Variants in PLAGL1 observed in about 807,000 individuals in gnomAD.
PLAGL1 encodes zinc finger protein PLAGL1.
Under a neutral mutation model 4.6 loss-of-function variants are expected in PLAGL1, and 1 was observed. That is an observed-to-expected ratio of 0.22 (90% CI 0.08 to 1.03). PLAGL1 has a LOEUF of 1.03. Ranked by LOEUF, PLAGL1 falls within the 50% of genes least tolerant of loss-of-function variation. The pLI is 0.58. For missense variants in PLAGL1, 464 were observed against 570.4 expected, an observed-to-expected ratio of 0.81 and a Z score of 1.90; for synonymous variants, 240 against 237.8, an observed-to-expected ratio of 1.01 and a Z score of -0.08.
rs933618190 is a variant in PLAGL1 at position 143,995,894 on chromosome 6, G to A, written c.-583-10720C>T. ...ACCTACATTACTGGCTATATTAATG[G>A]TGGCCAGCCATAAAGTTAAAGCAAA... is the stretch of plus-strand genomic sequence containing the variant. On this transcript the variant is annotated intron_variant, in intron 1 of 7. Coordinates refer to ENST00000674357, the MANE Select transcript of PLAGL1 (RefSeq NM_001317162.2). This position sits in a 1 kb window ranked among gnomAD's most constrained non-coding sequence, Gnocchi z 4.4. Among the ~76,000 whole-genome samples, 5 of 152,024 alleles carry A rather than the reference G, an allele frequency of 3.3e-5. No homozygotes were observed. Among genetic ancestry groups the A allele is most frequent in the Admixed American group, 6.6e-5 (1 of 15,264 alleles).
rs1795520565 is a variant in PLAGL1, at chr6:144,015,715, A to G, written c.-150-46737T>C. Reference sequence around the variant, plus strand: ...ACCCACTGGAAAGGCTAAAGTTGAAAAGACTGAAAATACCAAGGGTTGGTG... The same window carrying G: ...ACCCACTGGAAAGGCTAAAGTTGAAGAGACTGAAAATACCAAGGGTTGGTG... On this transcript the variant is annotated intron_variant, in intron 1 of 3. Transcript: ENST00000437412. The surrounding 1 kb of genome is among the most constrained non-coding windows in gnomAD (Gnocchi z 4.3). Among the ~76,000 whole-genome samples the G allele has an allele frequency of 6.6e-6, 1 of 152,238 alleles. No individual in the cohort carries two copies. The highest frequency in any genetic ancestry group is 1.5e-5 in the Non-Finnish European group (1 of 68,036).
intron 1 of PLAGL1, among the ~76,000 whole-genome samples, chr6:144,040,841 C>A (rs1438435770): frequency 6.6e-6 from 1 of 152,214 alleles, no homozygotes; most frequent in Non-Finnish European, 1.5e-5. Context: ...CAGACCACTG[C>A]ACTCCAGCTC....
At chr6:144,002,883 C>CAT (rs1793213486) in intron 1 of PLAGL1, among the ~76,000 whole-genome samples, 2 of 144,038 alleles carry the variant, frequency 1.4e-5, no homozygotes, top group African/African-American at 2.6e-5. Context: ...TTCTGGTAGG[C>CAT]TTTTTTTTTT....
At position 143,965,146 on chromosome 6, in the gene PLAGL1, G is replaced by A. The variant is rs560922973; in HGVS notation, c.-430-328C>T. On this transcript the variant is annotated intron_variant, in intron 4 of 7. Coordinates refer to ENST00000674357, the MANE Select transcript of PLAGL1 (RefSeq NM_001317162.2). This position sits in a 1 kb window ranked among gnomAD's most constrained non-coding sequence, Gnocchi z 7.5. Reference sequence around the variant, plus strand: ...TATAAATCTTTAATGTGTCAAATTTGTTGACTGTAAGATGTTGTAGTAATG... The same window carrying A: ...TATAAATCTTTAATGTGTCAAATTTATTGACTGTAAGATGTTGTAGTAATG... 1 of 152,304 alleles carries A rather than the reference G, an allele frequency of 6.6e-6. No individual in the cohort carries two copies. Among genetic ancestry groups the A allele is most frequent in the Non-Finnish European group, 1.5e-5 (1 of 68,022 alleles). 9.4% of individuals were successfully genotyped at this position (152,304 alleles called of 1,614,324 possible).
chr6:143,950,174 A>G lies in PLAGL1; in HGVS notation c.-324-1714T>C, dbSNP rs1780735776. On this transcript the variant is annotated intron_variant, in intron 6 of 7. Transcript: ENST00000674357. The surrounding 1 kb of genome is among the most constrained non-coding windows in gnomAD (Gnocchi z 6.3). Reference sequence around the variant, plus strand: ...AGCGCTAATCCAAACCAGGGGACACACAGGAGTCCTCGGCCAGCACCTTGG... The same window carrying G: ...AGCGCTAATCCAAACCAGGGGACACGCAGGAGTCCTCGGCCAGCACCTTGG... 6.6e-6 allele frequency among the ~76,000 whole-genome samples: 1 copy of G among 152,134 alleles called. No homozygotes were observed. The highest frequency in any genetic ancestry group is 1.5e-5 in the Non-Finnish European group (1 of 68,018).
chr6:144,011,803 C>T (rs1239838374), upstream of PLAGL1, among the ~76,000 whole-genome samples: 1 of 152,168 alleles, frequency 6.6e-6, no homozygotes, highest in Non-Finnish European at 1.5e-5. The surrounding 1 kb of genome is among the most constrained non-coding windows in gnomAD (Gnocchi z 4.3). Context: ...GGCAGCTGGA[C>T]TTCAAGCTAG....
In PLAGL1 at chr6:144,004,588, G is replaced by C. The variant is rs569785661; in HGVS notation, c.-584+3502C>G. Among the ~76,000 whole-genome samples the C allele has an allele frequency of 6.6e-6, 1 of 152,282 alleles. No homozygotes were observed. Among genetic ancestry groups the C allele is most frequent in the South Asian group, 2.1e-4 (1 of 4,812 alleles). On this transcript the variant is annotated intron_variant, in intron 1 of 7. Coordinates refer to ENST00000674357, the MANE Select transcript of PLAGL1 (RefSeq NM_001317162.2). This position sits in a 1 kb window ranked among gnomAD's most constrained non-coding sequence, Gnocchi z 4.2. The stretch of plus-strand genomic sequence containing the variant: ...GACAGTAGTTGACTGGGGGAAGCGA[G>C]TGGCTCCATTGATAGGAAGGGGCAG...
At chr6:143,944,575 T>C (rs760820323) in intron 7 of PLAGL1, among the ~76,000 whole-genome samples, 1 of 152,058 alleles carries the variant, frequency 6.6e-6, no homozygotes. Flanking sequence ...CAGGAACCAA[T>C]ACGATGGGCA....
Position 144,050,659 on chromosome 6 carries a change from G to A in PLAGL1, c.-151+13809C>T, listed in dbSNP as rs1798514419. Among the ~76,000 whole-genome samples the A allele has an allele frequency of 6.6e-6, 1 of 152,180 alleles. No individual in the cohort carries two copies. The highest frequency in any genetic ancestry group is 1.5e-5 in the Non-Finnish European group (1 of 68,038). On this transcript the variant is annotated intron_variant, in intron 1 of 3. Coordinates refer to the PLAGL1 transcript ENST00000437412. This position sits in a 1 kb window ranked among gnomAD's most constrained non-coding sequence, Gnocchi z 4.3. ...AATCCCAGCACTTTGGGAGGCCAAG[G>A]CAGGAGGATCACTTGAGGCCAGGAG...
At chr6:143,944,299 T>C (rs1178478613) in intron 7 of PLAGL1, among the ~76,000 whole-genome samples, 3 of 152,072 alleles carry the variant, frequency 2.0e-5, no homozygotes, top group Non-Finnish European at 4.4e-5. Flanking sequence ...GGAGCCAGAA[T>C]TGGGGAGGGG....
In PLAGL1 at chr6:144,056,060, T is replaced by C. The variant is rs1409243770; in HGVS notation, c.-151+8408A>G. Among the ~76,000 whole-genome samples, 1 of 152,098 alleles carries C rather than the reference T, an allele frequency of 6.6e-6. No homozygotes were observed. The highest frequency in any genetic ancestry group is 2.4e-5 in the African/African-American group (1 of 41,408). On this transcript the variant is annotated intron_variant, in intron 1 of 3. Coordinates refer to the PLAGL1 transcript ENST00000437412. This position sits in a 1 kb window ranked among gnomAD's most constrained non-coding sequence, Gnocchi z 4.7. ...CATGGTAAAAGATGACTCACTTTTCTTTCCCCTCATCCCTTTCTCCATCCC... is the reference window on the plus strand; with the variant it reads ...CATGGTAAAAGATGACTCACTTTTCCTTCCCCTCATCCCTTTCTCCATCCC...
intron 1 of PLAGL1, among the ~76,000 whole-genome samples, chr6:144,054,399 C>T (rs181324816): frequency 2.7e-4 from 41 of 152,160 alleles, no homozygotes; most frequent in African/African-American, 9.9e-4. Flanking sequence ...ACATATATAC[C>T]ATAGAATACT....
In PLAGL1 at chr6:144,055,331, G is replaced by T. The variant is rs1422938109; in HGVS notation, c.-151+9137C>A. ...GGTCACAAAGCCAAGAACAGAAGCA[G>T]CACCAGAACCACAACCCACCATGAC... On this transcript the variant is annotated intron_variant, in intron 1 of 3. Transcript: ENST00000437412. The surrounding 1 kb of genome is among the most constrained non-coding windows in gnomAD (Gnocchi z 5.0). Among the ~76,000 whole-genome samples, 2 of 152,134 alleles carry T rather than the reference G, an allele frequency of 1.3e-5. No homozygotes were observed. Among genetic ancestry groups the T allele is most frequent in the Non-Finnish European group, 2.9e-5 (2 of 68,022 alleles).
At chr6:143,944,562 G>A (rs1347284860) in intron 7 of PLAGL1, among the ~76,000 whole-genome samples, 1 of 152,100 alleles carries the variant, frequency 6.6e-6, no homozygotes, top group East Asian at 1.9e-4. Context: ...CGTAAGGCAG[G>A]GACAGGAACC....
rs962714793 is a variant in PLAGL1, at chr6:143,954,515, C to G, written c.-325+5954G>C. ...CCAGAGAGCATCTGAGAGTCAACACCATGAGGCAGCCTCTTATAACTCAGC... is the reference window on the plus strand; with the variant it reads ...CCAGAGAGCATCTGAGAGTCAACACGATGAGGCAGCCTCTTATAACTCAGC... On this transcript the variant is annotated intron_variant, in intron 6 of 7. Coordinates refer to ENST00000674357, the MANE Select transcript of PLAGL1 (RefSeq NM_001317162.2). The surrounding 1 kb of genome is among the most constrained non-coding windows in gnomAD (Gnocchi z 5.1). 3.9e-5 allele frequency among the ~76,000 whole-genome samples: 6 copies of G among 152,182 alleles called. No homozygotes were observed. Among genetic ancestry groups the G allele is most frequent in the African/African-American group, 1.4e-4 (6 of 41,454 alleles).
At chr6:144,045,995 G>C (rs1457093365) in intron 1 of PLAGL1, among the ~76,000 whole-genome samples, 1 of 152,138 alleles carries the variant, frequency 6.6e-6, no homozygotes, top group African/African-American at 2.4e-5. Flanking sequence ...GCTTGTGCAT[G>C]CGTCACATAG....
rs1370500115 is a variant in PLAGL1, at chr6:143,963,584, G to C, written c.-399+1203C>G. Among the ~76,000 whole-genome samples the C allele has an allele frequency of 6.6e-6, 1 of 152,162 alleles. No homozygotes were observed. Among genetic ancestry groups the C allele is most frequent in the African/African-American group, 2.4e-5 (1 of 41,430 alleles). On this transcript the variant is annotated intron_variant, in intron 5 of 7. Coordinates refer to ENST00000674357, the MANE Select transcript of PLAGL1 (RefSeq NM_001317162.2). This position sits in a 1 kb window ranked among gnomAD's most constrained non-coding sequence, Gnocchi z 6.1. ...TAAGGCTTAGAAGTTATGCTGATTT[G>C]CCCATGATCCTACAGCCAGCAAGCA...
rs183199213 is a variant in PLAGL1, at chr6:143,999,488, T to C, written c.-584+8602A>G. Among the ~76,000 whole-genome samples, 1,293 of 152,336 alleles carry C rather than the reference T, an allele frequency of 8.5e-3. 28 individuals carry two copies. The highest frequency in any genetic ancestry group is 0.03 in the African/African-American group (1,235 of 41,568). ...GCTAAAATCACTTTTCCTTTTTGTT[T>C]AGTGACCATTTTCCACAATATGCCA... On this transcript the variant is annotated intron_variant, in intron 1 of 7. Transcript: ENST00000674357.
Position 144,046,085 on chromosome 6 carries a change from A to G in PLAGL1, c.-151+18383T>C, listed in dbSNP as rs553948121. Among the ~76,000 whole-genome samples the G allele has an allele frequency of 3.3e-5, 5 of 152,244 alleles. 1 individual carries two copies. The highest frequency in any genetic ancestry group is 3.3e-4 in the Admixed American group (5 of 15,296). On this transcript the variant is annotated intron_variant, in intron 1 of 3. Coordinates refer to the PLAGL1 transcript ENST00000437412. ...GTTTGTTCTAGTGAGCCATTCATCT[A>G]ATCTTTTTTCAAGGTTTCTGGCTTC...
Sources: allele counts gnomAD v4.1 joint callset (sites outside exome capture counted in the v4.1 genomes callset), GRCh38; gene constraint gnomAD v4.1.1; non-coding constraint Gnocchi (gnomAD v3.1); transcripts MANE v1.5; gene names NCBI Gene and HGNC (gene_info 2026-07-23, HGNC 2026-07-21).